CYYR1: variants seen among roughly 807,000 people sequenced by gnomAD.
CYYR1 encodes the protein cysteine and tyrosine rich 1.
A neutral mutation model predicts 15.2 loss-of-function variants in CYYR1; 14 were observed. The observed-to-expected ratio is 0.92, with a 90% CI of 0.61 to 1.44. The LOEUF (loss-of-function observed/expected upper bound fraction) is 1.44, where lower values mean the gene tolerates loss of function less well. CYYR1 is among the 40% of genes most tolerant of loss of function. The probability of loss-of-function intolerance (pLI) is 0.00; values close to 1 mark genes in which losing one functional copy is unlikely to be tolerated. For synonymous variants in CYYR1, 80 were observed against 77.4 expected, an observed-to-expected ratio of 1.03 and a Z score of -0.18; for missense variants, 228 against 209.5, an observed-to-expected ratio of 1.09 and a Z score of -0.54.
chr21:26,570,794 A>G (rs1980961188), intron 1 of CYYR1, among the ~76,000 whole-genome samples: 1 of 152,184 alleles, frequency 6.6e-6, no homozygotes, highest in African/African-American at 2.4e-5. Context: ...CATACCTCTT[A>G]GTTCCAACCA....
intron 2 of CYYR1, among the ~76,000 whole-genome samples, chr21:26,492,512 T>C (rs2065342117): frequency 6.6e-6 from 1 of 152,228 alleles, no homozygotes. Flanking sequence ...ATTTGAATTC[T>C]AGGTTCAAGT....
At chr21:26,519,579 C>T (rs1259069903) in intron 2 of CYYR1, among the ~76,000 whole-genome samples, 2 of 152,198 alleles carry the variant, frequency 1.3e-5, no homozygotes, top group African/African-American at 4.8e-5. Context: ...GACTTTGGCT[C>T]TTACTCTGTG....
chr21:26,540,828 G>A (rs6516737), intron 2 of CYYR1, among the ~76,000 whole-genome samples: 6,084 of 152,284 alleles, frequency 0.04, 405 homozygotes, highest in African/African-American at 0.14. Flanking sequence ...TGAACCAGAT[G>A]TTAGAACAGG....
At chr21:26,571,422 T>G (rs1165938144) in intron 1 of CYYR1, among the ~76,000 whole-genome samples, 3 of 152,378 alleles carry the variant, frequency 2.0e-5, no homozygotes, top group Admixed American at 6.5e-5. Context: ...GCTGATTTCC[T>G]GAGCCCTGAG....
At chr21:26,489,746 T>C (rs2065301042) in intron 2 of CYYR1, among the ~76,000 whole-genome samples, 1 of 152,150 alleles carries the variant, frequency 6.6e-6, no homozygotes, top group African/African-American at 2.4e-5. Context: ...TAATGCTATG[T>C]ACATGAAAGT....
intron 2 of CYYR1, chr21:26,503,724 C>A (rs760001781): frequency 3.9e-5 from 6 of 152,086 alleles, no homozygotes; most frequent in Non-Finnish European, 8.8e-5. Flanking sequence ...TTTTAAGTCA[C>A]AATAAAACAC....
At chr21:26,490,453 A>T (rs2065312656) in intron 2 of CYYR1, among the ~76,000 whole-genome samples, 1 of 152,202 alleles carries the variant, frequency 6.6e-6, no homozygotes, top group Non-Finnish European at 1.5e-5. Context: ...TTGAAGGTCA[A>T]CTATCTCCAG....
At chr21:26,477,822 G>A in intron 3 of CYYR1, 3 of 1,176,320 alleles carry the variant, frequency 2.6e-6, no homozygotes, top group Non-Finnish European at 3.2e-6. Context: ...AAATTCAGAG[G>A]TATAAATAAT....
chr21:26,541,047 A>C (rs1041672570), intron 2 of CYYR1, among the ~76,000 whole-genome samples: 9 of 152,226 alleles, frequency 5.9e-5, no homozygotes, highest in Non-Finnish European at 1.2e-4. Context: ...GGATGAAAGA[A>C]GAGTCAGTGA....
intron 2 of CYYR1, among the ~76,000 whole-genome samples, chr21:26,511,977 A>G (rs2065653600): frequency 8.0e-6 from 1 of 124,998 alleles, no homozygotes; most frequent in African/African-American, 3.2e-5. Flanking sequence ...TATGTCAACA[A>G]TATCACACAT....
At chr21:26,568,917 A>G (rs1203480794) in intron 1 of CYYR1, 1 of 152,130 alleles carries the variant, frequency 6.6e-6, no homozygotes, top group Non-Finnish European at 1.5e-5. Flanking sequence ...CTATTATTGA[A>G]AAGTCAAAAA....
At chr21:26,473,191 T>C (rs1384018850) in intron 3 of CYYR1, among the ~76,000 whole-genome samples, 1 of 152,142 alleles carries the variant, frequency 6.6e-6, no homozygotes, top group East Asian at 1.9e-4. Flanking sequence ...ATGAATCTCA[T>C]GCCTTATATT....
At position 26,466,611 on chromosome 21, in the gene CYYR1, T is replaced by G. The variant is rs2123341368; in HGVS notation, c.*1890A>C. The G allele has an allele frequency of 6.6e-6, 1 of 152,280 alleles. No individual in the cohort carries two copies. The highest frequency in any genetic ancestry group is 2.1e-4 in the South Asian group (1 of 4,820). The allele number at this position is 152,280 out of a possible 1,614,324, so 9.4% of individuals were successfully genotyped here. A position where few individuals can be genotyped will look rare whatever the true frequency, so the allele number is the denominator to read the frequency against. On this transcript the variant is annotated 3_prime_UTR_variant, in exon 4 of 4. Transcript: ENST00000652641. ...GAGAAAACCCTATTTCTGCTGATCT[T>G]TCCTTTCCGTTTTCCTTAAAGAATA...
At chr21:26,468,998 TATCACC>T (rs1387476187) in intron 3 of CYYR1, among the ~76,000 whole-genome samples, 4 of 152,160 alleles carry the variant, frequency 2.6e-5, no homozygotes. Context: ...AGTGCGGTTA[TATCACC>T]ATGGTGGGCT....
At chr21:26,523,964 T>G (rs2065833113) in intron 2 of CYYR1, among the ~76,000 whole-genome samples, 1 of 152,238 alleles carries the variant, frequency 6.6e-6, no homozygotes, top group South Asian at 2.1e-4. Flanking sequence ...GATAAATTTG[T>G]GGCTCAATGA....
chr21:26,529,055 T>C (rs2065898392), intron 2 of CYYR1, among the ~76,000 whole-genome samples: 1 of 152,208 alleles, frequency 6.6e-6, no homozygotes, highest in Non-Finnish European at 1.5e-5. Flanking sequence ...TTGTGATGAC[T>C]CTTACACTGA....
chr21:26,510,641 T>C (rs2045683029), intron 2 of CYYR1, among the ~76,000 whole-genome samples: 1 of 152,242 alleles, frequency 6.6e-6, no homozygotes. Context: ...AAATATCAGC[T>C]ATTTGAAAAG....
intron 2 of CYYR1, among the ~76,000 whole-genome samples, chr21:26,529,131 C>T (rs2065899193): frequency 6.6e-6 from 1 of 152,142 alleles, no homozygotes; most frequent in Non-Finnish European, 1.5e-5. Context: ...TGTTTCCTAA[C>T]ATATAATGAA....
chr21:26,502,620 G>C (rs1428553536), intron 2 of CYYR1, among the ~76,000 whole-genome samples: 2 of 151,968 alleles, frequency 1.3e-5, no homozygotes, highest in Non-Finnish European at 1.5e-5. Context: ...TGCACACAAG[G>C]GCAAGATATG....
Sources: allele counts gnomAD v4.1 joint callset (sites outside exome capture counted in the v4.1 genomes callset), GRCh38; gene constraint gnomAD v4.1.1; transcripts MANE v1.5; gene names NCBI Gene and HGNC (gene_info 2026-07-23, HGNC 2026-07-21).